The following PRORP variants were observed in gnomAD, a reference collection of about 807,000 sequenced individuals.
The protein encoded by PRORP is mitochondrial ribonuclease P catalytic subunit.
A neutral mutation model predicts 59.4 loss-of-function variants in PRORP; 51 were observed. The ratio of observed to expected loss-of-function variants is 0.86; its 90% confidence interval spans 0.69 to 1.08. The LOEUF (loss-of-function observed/expected upper bound fraction) is 1.08. Ranked by LOEUF, PRORP falls within the 50% of genes least tolerant of loss-of-function variation. The pLI, the probability that PRORP is intolerant of heterozygous loss-of-function variation, is 0.00. For synonymous variants in PRORP, 231 were observed against 245.6 expected (o/e 0.94, Z 0.55); for missense variants, 646 against 690.3 (o/e 0.94, Z 0.72).
At chr14:35,259,812 T>C (rs555014821) in intron 5 of PRORP, among the ~76,000 whole-genome samples, 1 of 152,264 alleles carries the variant, frequency 6.6e-6, no homozygotes, top group East Asian at 1.9e-4. Flanking sequence ...GGAAAATTGC[T>C]TGAACCCGGG....
intron 4 of PRORP, among the ~76,000 whole-genome samples, chr14:35,160,708 A>G (rs1213025142): frequency 2.4e-5 from 3 of 125,898 alleles, no homozygotes; most frequent in Non-Finnish European, 3.6e-5. Context: ...AGAAATAAAG[A>G]TTCTGTATTT....
chr14:35,224,880 T>C (rs2049893692), intron 5 of PRORP, among the ~76,000 whole-genome samples: 1 of 152,216 alleles, frequency 6.6e-6, no homozygotes, highest in Admixed American at 6.5e-5. Context: ...TATTTGACAA[T>C]GAACTCCTTT....
chr14:35,255,796 T>C (rs2050736225), intron 5 of PRORP, among the ~76,000 whole-genome samples: 1 of 152,202 alleles, frequency 6.6e-6, no homozygotes, highest in Non-Finnish European at 1.5e-5. Context: ...AACAATCATA[T>C]GCCTTAGACT....
chr14:35,199,332 T>TA (rs1167921225), intron 5 of PRORP, among the ~76,000 whole-genome samples: 9,681 of 106,976 alleles, frequency 0.09, 459 homozygotes, highest in East Asian at 0.15. Context: ...AGACTCCATC[T>TA]AAAAAAAAAA....
At chr14:35,199,332 T>TAAAA (rs1167921225) in intron 5 of PRORP, among the ~76,000 whole-genome samples, 2 of 107,120 alleles carry the variant, frequency 1.9e-5, no homozygotes. Context: ...AGACTCCATC[T>TAAAA]AAAAAAAAAA....
intron 5 of PRORP, among the ~76,000 whole-genome samples, chr14:35,237,868 A>T (rs971988361): frequency 1.3e-5 from 2 of 151,728 alleles, no homozygotes; most frequent in African/African-American, 4.8e-5. Flanking sequence ...GTTAGCCAGG[A>T]TGGTCTTGAT....
chr14:35,254,633 C>T (rs2050702259), intron 5 of PRORP, among the ~76,000 whole-genome samples: 1 of 152,156 alleles, frequency 6.6e-6, no homozygotes. Flanking sequence ...CTCAGGTGCT[C>T]CACCCGCTTT....
chr14:35,231,281 A>G (rs997155328), intron 5 of PRORP, among the ~76,000 whole-genome samples: 2 of 152,208 alleles, frequency 1.3e-5, no homozygotes, highest in African/African-American at 4.8e-5. Flanking sequence ...GAATAAAAGT[A>G]TTGCCAAGGA....
At chr14:35,173,805 G>A (rs2048377747) in intron 4 of PRORP, among the ~76,000 whole-genome samples, 1 of 152,044 alleles carries the variant, frequency 6.6e-6, no homozygotes, top group South Asian at 2.1e-4. Context: ...CGTGGTTCTA[G>A]GGGTTGATGA....
At chr14:35,121,878 C>T (rs749921976), upstream of PRORP, 15 of 1,613,544 alleles carry the variant, frequency 9.3e-6, no homozygotes, top group South Asian at 9.9e-5. Flanking sequence ...GCCATCCCAA[C>T]GGGCTGCCCC....
rs189543366 is a variant in PRORP, at chr14:35,218,306, A to T, written c.1275+37529A>T. Reference sequence around the variant, plus strand: ...AAGACCCTGTCTCTACAAAAAAATTAAAAAATTGGCTGGGTGTGGTGGTGT... The same window carrying T: ...AAGACCCTGTCTCTACAAAAAAATTTAAAAATTGGCTGGGTGTGGTGGTGT... On this transcript the variant is annotated intron_variant, in intron 5 of 7. Transcript: ENST00000534898. Among the ~76,000 whole-genome samples, 31 of 151,534 alleles carry T rather than the reference A, an allele frequency of 2.0e-4. 1 individual carries two copies. The South Asian group carries it at 4.0e-3, about 19-fold the overall frequency.
rs45626032 is a variant in PRORP, at chr14:35,123,931, C to T, written c.686C>T (p.Ala229Val). ...GLIHSDRWRE[A>V]LLLLEDIKKV... is the part of the protein sequence containing the mutation. The stretch of plus-strand genomic sequence containing the variant: ...ATCCATTCAGACAGATGGAGAGAAG[C>T]ATTGTTGCTGTTAGAGGACATCAAA... The change falls in exon 2 of 8, where the codon GCA becomes GTA. Residue 229 changes from alanine (A) to valine (V), a missense_variant. By Grantham distance (64) the Ala-to-Val change is moderately conservative. Transcript: ENST00000534898. 1.8e-3 allele frequency: 2,903 copies of T among 1,614,098 alleles called. 14 individuals carry two copies. Among genetic ancestry groups the T allele is most frequent in the South Asian group, 7.8e-3 (712 of 91,084 alleles).
chr14:35,221,047 A>G (rs1248860107), intron 5 of PRORP, among the ~76,000 whole-genome samples: 1 of 152,190 alleles, frequency 6.6e-6, no homozygotes, highest in African/African-American at 2.4e-5. Flanking sequence ...AGCAGCCAGT[A>G]CAAATGCCCA....
At chr14:35,178,411 T>G (rs935305757) in intron 4 of PRORP, among the ~76,000 whole-genome samples, 2 of 152,254 alleles carry the variant, frequency 1.3e-5, no homozygotes, top group Non-Finnish European at 2.9e-5. Flanking sequence ...ACTTGCTTTA[T>G]GAATCTGGGT....
chr14:35,179,952 A>T (rs2048557766), intron 4 of PRORP, among the ~76,000 whole-genome samples: 1 of 152,208 alleles, frequency 6.6e-6, no homozygotes, highest in Non-Finnish European at 1.5e-5. Context: ...TCCTTCTGAC[A>T]GTCAGGACCC....
At chr14:35,227,318 C>T (rs1595346062) in intron 5 of PRORP, among the ~76,000 whole-genome samples, 1 of 151,714 alleles carries the variant, frequency 6.6e-6, no homozygotes, top group Non-Finnish European at 1.5e-5. Flanking sequence ...GTGGCAGGCG[C>T]CTGTAGTCCC....
At chr14:35,212,091 A>G (rs1250079648) in intron 5 of PRORP, among the ~76,000 whole-genome samples, 1 of 152,226 alleles carries the variant, frequency 6.6e-6, no homozygotes, top group African/African-American at 2.4e-5. Context: ...TCTCCATAAC[A>G]AGCAACTCCT....
chr14:35,162,320 A>T (rs1237097517), intron 4 of PRORP, among the ~76,000 whole-genome samples: 1 of 152,158 alleles, frequency 6.6e-6, no homozygotes, highest in Non-Finnish European at 1.5e-5. Context: ...ATATACTGTG[A>T]TCAGCAAAAT....
At chr14:35,241,237 G>A (rs932003218) in intron 5 of PRORP, among the ~76,000 whole-genome samples, 9 of 152,086 alleles carry the variant, frequency 5.9e-5, no homozygotes, top group African/African-American at 1.7e-4. Flanking sequence ...AATTAGTGGG[G>A]TATGGTGGCA....
Sources: allele counts gnomAD v4.1 joint callset (sites outside exome capture counted in the v4.1 genomes callset), GRCh38; gene constraint gnomAD v4.1.1; transcripts MANE v1.5; gene names NCBI Gene and HGNC (gene_info 2026-07-23, HGNC 2026-07-21).